XIAP: variants seen among roughly 807,000 people sequenced by gnomAD.
XIAP encodes the protein E3 ubiquitin-protein ligase XIAP.
In XIAP, 3 loss-of-function variants were observed where a neutral mutation model predicts 33.1. That is an observed-to-expected ratio of 0.09 (90% CI 0.04 to 0.23). The LOEUF is 0.23. Among genes scored for constraint, XIAP ranks in the 10% least tolerant of loss-of-function variants. The pLI, the probability that XIAP is intolerant of heterozygous loss-of-function variation, is 1.00. For missense variants in XIAP, 264 were observed against 363.0 expected, an observed-to-expected ratio of 0.73 and a Z score of 2.22; for synonymous variants, 98 against 121.3, an observed-to-expected ratio of 0.81 and a Z score of 1.26.
At chrX:123,896,764 A>G (rs1180660914) in intron 5 of XIAP, among the ~76,000 whole-genome samples, 1 of 104,781 alleles carries the variant, frequency 9.5e-6, no homozygotes, top group Non-Finnish European at 1.9e-5. Flanking sequence ...TTGTATTTTT[A>G]GTGGAGATGG....
intron 6 of XIAP, among the ~76,000 whole-genome samples, chrX:123,904,156 C>T (rs187883568): frequency 8.1e-4 from 89 of 110,559 alleles, no homozygotes; most frequent in African/African-American, 2.7e-3. Context: ...AGGCAGGTCT[C>T]GAACTCCTGG....
intron 5 of XIAP, among the ~76,000 whole-genome samples, chrX:123,898,463 C>T (rs2053480305): frequency 9.0e-6 from 1 of 110,962 alleles, no homozygotes; most frequent in African/African-American, 3.3e-5. Context: ...CCGGGGGTCA[C>T]GCCATTCTCC....
At chrX:123,888,301 C>T (rs1230502758) in intron 2 of XIAP, among the ~76,000 whole-genome samples, 1 of 112,140 alleles carries the variant, frequency 8.9e-6, no homozygotes, top group African/African-American at 3.2e-5. Flanking sequence ...CGCCATTGCA[C>T]TCCGGTCTGG....
chrX:123,868,676 G>A (rs1158795113), intron 1 of XIAP, among the ~76,000 whole-genome samples: 1 of 111,775 alleles, frequency 8.9e-6, no homozygotes, highest in Non-Finnish European at 1.9e-5. Context: ...AGGTTGCAGT[G>A]AGTCAAGATC....
chrX:123,911,310 T>C lies in XIAP; in HGVS notation c.*4129T>C, dbSNP rs1242118561. The C allele has an allele frequency of 3.4e-6, 1 of 290,041 alleles. No individual in the cohort carries two copies. The allele number at this position is 290,041 out of a possible 1,213,427, so 23.9% of individuals were successfully genotyped here. On this transcript the variant is annotated 3_prime_UTR_variant, in exon 7 of 7. Transcript: ENST00000371199. Reference sequence around the variant, plus strand: ...CTGACCAACATGGAGAAACCCCGTCTCTACTAAAAATACAAAATTAGCTGG... The same window carrying C: ...CTGACCAACATGGAGAAACCCCGTCCCTACTAAAAATACAAAATTAGCTGG...
At chrX:123,877,224 C>G (rs1045082960) in intron 1 of XIAP, among the ~76,000 whole-genome samples, 4 of 110,789 alleles carry the variant, frequency 3.6e-5, no homozygotes, top group African/African-American at 9.9e-5. Flanking sequence ...CACCACCACG[C>G]CTGACTACTT....
At position 123,892,884 on chromosome X, in the gene XIAP, G is replaced by A. The variant is rs191347928; in HGVS notation, c.1099+111G>A. The A allele has an allele frequency of 2.5e-3, 1,725 of 684,186 alleles. 12 individuals are homozygous for A. In the African/African-American group the frequency reaches 0.033, roughly 13 times the overall value. The allele number at this position is 684,186 out of a possible 1,213,427, so 56.4% of individuals were successfully genotyped here. A position where few individuals can be genotyped will look rare whatever the true frequency, so the allele number is the denominator to read the frequency against. On this transcript the variant is annotated intron_variant, in intron 5 of 6. Coordinates refer to ENST00000371199, the MANE Select transcript of XIAP (RefSeq NM_001167.4). ...TGCCCAGGCTGGAGTGCAGTGGTGC[G>A]ATCTCAGCTCACTGCAATCTCTGCC...
rs1051390627 is a variant in XIAP at position 123,911,211 on chromosome X, C to T, written c.*4030C>T. On this transcript the variant is annotated 3_prime_UTR_variant, in exon 7 of 7. Transcript: ENST00000371199. ...GATATAAATCAGCTGGGCGCGGTGGCTCATGCCTGTAATCCCAGCACTTTG... is the reference window on the plus strand; with the variant it reads ...GATATAAATCAGCTGGGCGCGGTGGTTCATGCCTGTAATCCCAGCACTTTG... 7 of 322,172 alleles carry T rather than the reference C, an allele frequency of 2.2e-5. No individual in the cohort carries two copies. The highest frequency in any genetic ancestry group is 2.1e-4 in the African/African-American group (7 of 33,053). 26.6% of individuals were successfully genotyped at this position (322,172 alleles called of 1,213,427 possible).
At position 123,884,209 on chromosome X, in the gene XIAP, C is replaced by T. The variant is rs188962406; in HGVS notation, c.-32-1422C>T. Among the ~76,000 whole-genome samples, 77 of 111,829 alleles carry T rather than the reference C, an allele frequency of 6.9e-4. 2 individuals carry two copies. In the East Asian group the frequency reaches 0.014, roughly 20 times the overall value. On this transcript the variant is annotated intron_variant, in intron 1 of 6. Transcript: ENST00000371199. ...CTCAAGAAATCAATTAATGGCAGGG[C>T]GCGGTGGCTCACGCCTGTAATCCCA... is the stretch of plus-strand genomic sequence containing the variant.
chrX:123,870,800 A>AG (rs2053186801), intron 1 of XIAP, among the ~76,000 whole-genome samples: 1 of 111,578 alleles, frequency 9.0e-6, no homozygotes, highest in South Asian at 3.7e-4. Context: ...AAGAAAAAAA[A>AG]AAGTTGTTTA....
intron 1 of XIAP, among the ~76,000 whole-genome samples, chrX:123,871,067 C>T (rs947335165): frequency 3.6e-5 from 4 of 111,241 alleles, no homozygotes; most frequent in African/African-American, 1.3e-4. Context: ...CTCAGCCTAC[C>T]GGGTAGCTGG....
At chrX:123,889,332 C>T (rs763735130) in intron 3 of XIAP, among the ~76,000 whole-genome samples, 2 of 106,853 alleles carry the variant, frequency 1.9e-5, no homozygotes, top group Non-Finnish European at 3.9e-5. Flanking sequence ...CCTTGTGATC[C>T]GCCCGCCTCG....
At chrX:123,872,771 A>G (rs909327085) in intron 1 of XIAP, 1 of 111,647 alleles carries the variant, frequency 9.0e-6, no homozygotes, top group African/African-American at 3.3e-5. Flanking sequence ...ACTGCCACTC[A>G]AGCAGTGGAC....
Position 123,907,722 on chromosome X carries a change from G to A in XIAP, c.*541G>A, listed in dbSNP as rs1602563532. 5.3e-6 allele frequency: 2 copies of A among 375,634 alleles called. No homozygotes were observed. The highest frequency in any genetic ancestry group is 1.0e-5 in the Non-Finnish European group (2 of 199,349). 31.0% of individuals were successfully genotyped at this position (375,634 alleles called of 1,213,427 possible). On this transcript the variant is annotated 3_prime_UTR_variant, in exon 7 of 7. Transcript: ENST00000371199. Reference sequence around the variant, plus strand: ...TAAAGTTATAAACACGTACTTGTGCGAATTATTTTTTTAAAGTGATTTGCC... The same window carrying A: ...TAAAGTTATAAACACGTACTTGTGCAAATTATTTTTTTAAAGTGATTTGCC...
chrX:123,888,901 A>G (rs1029972840), intron 3 of XIAP, among the ~76,000 whole-genome samples, 183 bp downstream of exon 3: 2 of 111,755 alleles, frequency 1.8e-5, no homozygotes, highest in Non-Finnish European at 3.8e-5. Context: ...CTTATGTGTG[A>G]TATCTATAAC....
At position 123,885,796 on chromosome X, in the gene XIAP, C is replaced by T. The variant is rs768460056; in HGVS notation, c.134C>T (p.Ser45Leu). 2.6e-5 allele frequency: 31 copies of T among 1,210,223 alleles called. No individual in the cohort carries two copies. In the Admixed American group the frequency reaches 6.6e-4, roughly 26 times the overall value. ...NFPSGSPVSA[S>L]TLARAGFLYT... Reference sequence around the variant, plus strand: ...CCAAGTGGTAGTCCTGTTTCAGCATCAACACTGGCACGAGCAGGGTTTCTT... The same window carrying T: ...CCAAGTGGTAGTCCTGTTTCAGCATTAACACTGGCACGAGCAGGGTTTCTT... Residue 45 changes from serine to leucine, a missense_variant, in exon 2 of 7, where the codon TCA becomes TTA. Ser to Leu is a moderately radical substitution (Grantham distance 145). Transcript: ENST00000371199.
chrX:123,864,455 G>GTTTTT (rs1162636021), intron 1 of XIAP, among the ~76,000 whole-genome samples: 9 of 49,595 alleles, frequency 1.8e-4, no homozygotes, highest in African/African-American at 3.3e-4. Flanking sequence ...CCTTTCTTCT[G>GTTTTT]TTTTTTTTTT....
At chrX:123,898,143 G>A (rs1025215006) in intron 5 of XIAP, among the ~76,000 whole-genome samples, 2 of 111,379 alleles carry the variant, frequency 1.8e-5, no homozygotes, top group African/African-American at 3.3e-5. Context: ...TTGTTCCTAA[G>A]CTCTTTGCTC....
At chrX:123,859,890 A>G, upstream of XIAP, 1 of 248,522 alleles carries the variant, frequency 4.0e-6, no homozygotes, top group South Asian at 3.8e-5. Context: ...TCATCGAGGG[A>G]CGCCCGGCCC....
Sources: gnomAD v4.1 joint callset for allele counts (sites outside exome capture counted in the v4.1 genomes callset) on GRCh38, gnomAD v4.1.1 for gene constraint, MANE v1.5 for transcripts, NCBI Gene and HGNC (gene_info 2026-07-23, HGNC 2026-07-21) for gene names.